The following MCC variants were observed in gnomAD, a reference collection of about 807,000 sequenced individuals.
MCC encodes the protein MCC regulator of Wnt signaling pathway.
In MCC, 90 loss-of-function variants were observed where a neutral mutation model predicts 116.2. That is an observed-to-expected ratio of 0.77 (90% CI 0.65 to 0.92). The LOEUF (loss-of-function observed/expected upper bound fraction) is 0.92. MCC is among the 40% of genes least tolerant of loss of function. The probability of loss-of-function intolerance (pLI) is 0.00; values close to 1 mark genes in which losing one functional copy is unlikely to be tolerated. For missense variants in MCC, 1,516 were observed against 1,312.2 expected (o/e 1.16, Z -2.40); for synonymous variants, 578 against 510.5 (o/e 1.13, Z -1.78).
intron 14 of MCC, among the ~76,000 whole-genome samples, chr5:113,056,310 CA>C: frequency 6.6e-6 from 1 of 152,102 alleles, no homozygotes; most frequent in Non-Finnish European, 1.5e-5. Context: ...ATAGCAAAGA[CA>C]TGGAATCAAC....
intron 3 of MCC, among the ~76,000 whole-genome samples, chr5:113,198,126 A>C (rs1290130206): frequency 1.3e-5 from 2 of 152,228 alleles, no homozygotes; most frequent in Non-Finnish European, 2.9e-5. Flanking sequence ...GCATAAAGCA[A>C]GTCTCGTGCC....
At chr5:113,233,793 A>G (rs1036762856) in intron 3 of MCC, among the ~76,000 whole-genome samples, 3 of 152,198 alleles carry the variant, frequency 2.0e-5, no homozygotes, top group African/African-American at 7.2e-5. Flanking sequence ...CCTAGATTAC[A>G]AATAACATTT....
chr5:113,429,103 GA>G (rs1046382278), intron 1 of MCC, among the ~76,000 whole-genome samples: 22 of 152,256 alleles, frequency 1.4e-4, no homozygotes, highest in African/African-American at 4.8e-4. Flanking sequence ...TTTTGAGGGG[GA>G]GTGTTGTATA....
chr5:113,062,784 G>C (rs1753311746), intron 14 of MCC, among the ~76,000 whole-genome samples: 1 of 152,346 alleles, frequency 6.6e-6, no homozygotes, highest in Non-Finnish European at 1.5e-5. Context: ...TACTGGGCAT[G>C]TTCCCTCTCC....
intron 3 of MCC, among the ~76,000 whole-genome samples, chr5:113,300,993 A>C (rs890187069): frequency 1.3e-5 from 2 of 152,186 alleles, no homozygotes; most frequent in Non-Finnish European, 2.9e-5. Flanking sequence ...ATTCATATAG[A>C]TGAGGATATG....
intron 8 of MCC, 71 bp downstream of exon 8, chr5:113,101,668 G>A: frequency 1.3e-6 from 2 of 1,501,948 alleles, no homozygotes; most frequent in Non-Finnish European, 1.8e-6. Context: ...GGTGCCCCTG[G>A]TGCTATACAC....
intron 8 of MCC, among the ~76,000 whole-genome samples, chr5:113,092,140 C>CCT (rs1755689157): frequency 6.6e-6 from 1 of 152,060 alleles, no homozygotes; most frequent in Non-Finnish European, 1.5e-5. Flanking sequence ...GCATCCACGC[C>CCT]CTAAACCCCG....
intron 3 of MCC, among the ~76,000 whole-genome samples, chr5:113,260,463 G>A (rs1765181079): frequency 6.6e-6 from 1 of 152,056 alleles, no homozygotes; most frequent in African/African-American, 2.4e-5. Flanking sequence ...AGAAAAATCT[G>A]GCCTCATACA....
intron 2 of MCC, among the ~76,000 whole-genome samples, chr5:113,360,410 G>C (rs1355671349): frequency 6.6e-6 from 1 of 151,982 alleles, no homozygotes; most frequent in African/African-American, 2.4e-5. Flanking sequence ...ATTTTGTTTA[G>C]GATTTTTGCA....
At position 113,038,376 on chromosome 5, in the gene MCC, ACT is replaced by A. The variant is rs1751461476; in HGVS notation, c.2756+5152_2756+5153del. Among the ~76,000 whole-genome samples the A allele has an allele frequency of 3.9e-5, 6 of 151,912 alleles. 1 individual carries two copies. The highest frequency in any genetic ancestry group is 3.9e-4 in the Admixed American group (6 of 15,242). ...AACCACAATCCCTGGCCCTAAAAGG[ACT>A]CTCTTTCTGTGTGGGGACTGAGGGT... On this transcript the variant is annotated intron_variant, in intron 17 of 18. Coordinates refer to ENST00000408903, the MANE Select transcript of MCC (RefSeq NM_001085377.2).
rs754475183 is a variant in MCC, at chr5:113,104,344, C to T, written c.1039G>A (p.Asp347Asn). ...MVTADMDNCS[D>N]LNSELQRVLT... ...ACCCTCTGCAGTTCTGAGTTCAGGT[C>T]ACTGCAGTTGTCTGTGAGTGAATGA... is the stretch of plus-strand genomic sequence containing the variant. The change falls in exon 7 of 19, where the codon GAC becomes AAC. Residue 347 changes from aspartate (D) to asparagine (N), a missense_variant. Asp to Asn is a conservative substitution (Grantham distance 23, BLOSUM62 1). Transcript: ENST00000408903. The T allele has an allele frequency of 2.5e-6, 4 of 1,610,796 alleles. No homozygotes were observed. In the Admixed American group the frequency reaches 5.0e-5, roughly 20 times the overall value.
At position 113,099,584 on chromosome 5, in the gene MCC, C is replaced by T. The variant is rs549563250; in HGVS notation, c.1398+2155G>A. On this transcript the variant is annotated intron_variant, in intron 8 of 18. Transcript: ENST00000408903. ...TTTGGGTGCTATTATTGTCCCACTT[C>T]GTGGCAGAGTAAACTGAGGCACAGA... Among the ~76,000 whole-genome samples, 95 of 152,346 alleles carry T rather than the reference C, an allele frequency of 6.2e-4. 1 individual carries two copies. In the South Asian group the frequency reaches 0.014, roughly 23 times the overall value.
At chr5:113,238,279 T>G (rs1436371798) in intron 3 of MCC, among the ~76,000 whole-genome samples, 1 of 152,192 alleles carries the variant, frequency 6.6e-6, no homozygotes, top group African/African-American at 2.4e-5. Context: ...TTTCCTGTTT[T>G]TTTTAATCAA....
At chr5:113,181,885 G>A (rs745444394) in intron 3 of MCC, among the ~76,000 whole-genome samples, 9 of 152,144 alleles carry the variant, frequency 5.9e-5, no homozygotes, top group South Asian at 2.1e-4. Context: ...GAGGCCCAGG[G>A]GGGTTTTAAC....
intron 3 of MCC, among the ~76,000 whole-genome samples, chr5:113,339,182 C>T (rs1422286240): frequency 4.0e-5 from 6 of 150,670 alleles, no homozygotes; most frequent in South Asian, 4.2e-4. Context: ...GCCAAGACTG[C>T]GCAATTGCAC....
intron 1 of MCC, among the ~76,000 whole-genome samples, chr5:113,444,947 T>C (rs1012248015): frequency 1.3e-5 from 2 of 152,214 alleles, no homozygotes; most frequent in African/African-American, 4.8e-5. Context: ...GCTCAATGCA[T>C]TTAAGTAACT....
intron 2 of MCC, among the ~76,000 whole-genome samples, chr5:113,341,209 T>A (rs906154215): frequency 6.6e-6 from 1 of 152,070 alleles, no homozygotes; most frequent in African/African-American, 2.4e-5. Flanking sequence ...CCTCTCTGTC[T>A]CTCTTTCTTT....
At chr5:113,469,827 G>T (rs1772029413) in intron 1 of MCC, among the ~76,000 whole-genome samples, 1 of 152,138 alleles carries the variant, frequency 6.6e-6, no homozygotes, top group Non-Finnish European at 1.5e-5. Flanking sequence ...AAGCCTCTTT[G>T]TAGGTCACTA....
At chr5:113,392,403 C>A (rs1266283926) in intron 1 of MCC, among the ~76,000 whole-genome samples, 1 of 151,846 alleles carries the variant, frequency 6.6e-6, no homozygotes, top group Non-Finnish European at 1.5e-5. Flanking sequence ...TAATGGATTG[C>A]CAAAAACATT....
Sources: allele counts gnomAD v4.1 joint callset (sites outside exome capture counted in the v4.1 genomes callset), GRCh38; gene constraint gnomAD v4.1.1; transcripts MANE v1.5; gene names NCBI Gene and HGNC (gene_info 2026-07-23, HGNC 2026-07-21).